MTPAP: variants seen among roughly 807,000 people sequenced by gnomAD.
MTPAP encodes mitochondrial poly(A) polymerase.
A neutral mutation model predicts 48.7 loss-of-function variants in MTPAP; 23 were observed. That is an observed-to-expected ratio of 0.47 (90% CI 0.34 to 0.67). The LOEUF (loss-of-function observed/expected upper bound fraction) is 0.67. Among genes scored for constraint, MTPAP ranks in the 30% least tolerant of loss-of-function variants. MTPAP has a pLI of 0.01. For synonymous variants in MTPAP, 257 were observed against 254.1 expected (o/e 1.01, Z -0.11); for missense variants, 614 against 694.3 (o/e 0.88, Z 1.30).
At chr10:30,333,146 A>T (rs905512916) in intron 4 of MTPAP, among the ~76,000 whole-genome samples, 2 of 151,900 alleles carry the variant, frequency 1.3e-5, no homozygotes, top group Non-Finnish European at 2.9e-5. Context: ...AATTAATTAA[A>T]AATAAATTTA....
chr10:30,348,847 G>T (rs1834900498), intron 1 of MTPAP: 2 of 509,448 alleles, frequency 3.9e-6, no homozygotes, highest in Non-Finnish European at 7.1e-6. Flanking sequence ...AAGCAAACTG[G>T]GTTCCTGACC....
intron 1 of MTPAP, 55 bp from the exon 2 acceptor site, chr10:30,341,695 A>G: frequency 6.3e-7 from 1 of 1,593,152 alleles, no homozygotes; most frequent in Non-Finnish European, 8.6e-7. Flanking sequence ...AATTTTAAAA[A>G]TATTTTGATA....
chr10:30,344,268 A>T (rs1458257806), intron 1 of MTPAP, among the ~76,000 whole-genome samples: 1 of 151,982 alleles, frequency 6.6e-6, no homozygotes, highest in Admixed American at 6.6e-5. Context: ...GCTATGAACT[A>T]TCTATGTCTT....
intron 3 of MTPAP, among the ~76,000 whole-genome samples, chr10:30,338,932 G>A (rs1484335439): frequency 6.6e-6 from 1 of 151,714 alleles, no homozygotes; most frequent in Non-Finnish European, 1.5e-5. Flanking sequence ...GACCATCCTG[G>A]CTAACTCAGT....
At chr10:30,324,712 G>A (rs1834560813) in intron 5 of MTPAP, among the ~76,000 whole-genome samples, 1 of 152,062 alleles carries the variant, frequency 6.6e-6, no homozygotes, top group African/African-American at 2.4e-5. Context: ...AAAAAGAATA[G>A]AAGAAACAAG....
chr10:30,340,504 A>C, intron 2 of MTPAP, 54 bp from the exon 3 acceptor site: 1 of 1,252,178 alleles, frequency 8.0e-7, no homozygotes, highest in South Asian at 1.2e-5. Flanking sequence ...TATCTAACAT[A>C]CTATTTTAGC....
chr10:30,329,049 G>A (rs1834632159), intron 4 of MTPAP, among the ~76,000 whole-genome samples: 1 of 151,882 alleles, frequency 6.6e-6, no homozygotes, highest in African/African-American at 2.4e-5. Flanking sequence ...TTTGAGACCA[G>A]CCTGGCCAAC....
At chr10:30,337,063 A>G in intron 3 of MTPAP, 36 bp from the exon 4 acceptor site, 1 of 1,532,572 alleles carries the variant, frequency 6.5e-7, no homozygotes, top group Non-Finnish European at 9.0e-7. Context: ...AAATAGAGAA[A>G]AAGTACAGGT....
At chr10:30,316,073 C>T in intron 7 of MTPAP, 37 bp from the exon 8 acceptor site, 2 of 1,609,148 alleles carry the variant, frequency 1.2e-6, no homozygotes, top group Non-Finnish European at 1.7e-6. Context: ...CAGAGGAAAG[C>T]CTGTTTCAAT....
Position 30,341,981 on chromosome 10 carries a change from G to A in MTPAP, c.158-341C>T, listed in dbSNP as rs561798816. On this transcript the variant is annotated intron_variant, in intron 1 of 8. Transcript: ENST00000263063. The stretch of plus-strand genomic sequence containing the variant: ...GGGCCGGGCTTGGTGGCTCATGCCT[G>A]TAATACCAGAACTTTGGGAGGCTGA... 2.1e-3 allele frequency among the ~76,000 whole-genome samples: 324 copies of A among 152,332 alleles called. 1 individual carries two copies. Among genetic ancestry groups the A allele is most frequent in the African/African-American group, 7.4e-3 (306 of 41,574 alleles).
At chr10:30,342,768 G>A (rs760286165) in intron 1 of MTPAP, among the ~76,000 whole-genome samples, 6 of 152,072 alleles carry the variant, frequency 3.9e-5, no homozygotes, top group Non-Finnish European at 5.9e-5. Flanking sequence ...TTAACAGTGA[G>A]TTACCAACTA....
At chr10:30,320,611 G>A (rs2132848673) in intron 6 of MTPAP, among the ~76,000 whole-genome samples, 1 of 152,180 alleles carries the variant, frequency 6.6e-6, no homozygotes, top group South Asian at 2.1e-4. Flanking sequence ...CTGCAAAAGA[G>A]GGTAATACTA....
chr10:30,339,533 T>C (rs564897104), intron 3 of MTPAP, among the ~76,000 whole-genome samples: 2 of 149,660 alleles, frequency 1.3e-5, no homozygotes, highest in East Asian at 2.0e-4. Context: ...CATTTTAAAA[T>C]TGACAGAAAA....
In MTPAP at chr10:30,336,453, T is replaced by C. The variant is rs73236432; in HGVS notation, c.780+350A>G. 7.1e-3 allele frequency among the ~76,000 whole-genome samples: 1,087 copies of C among 152,246 alleles called. 11 individuals carry two copies. Among genetic ancestry groups the C allele is most frequent in the African/African-American group, 0.025 (1,023 of 41,560 alleles). On this transcript the variant is annotated intron_variant, in intron 4 of 8. Transcript: ENST00000263063. ...TAACAAAACCAAGAATCATGAGATG[T>C]AAAAACATCTCAGTAACTAGATCAC...
intron 3 of MTPAP, 40 bp from the exon 4 acceptor site, chr10:30,337,067 T>C (rs775829759): frequency 6.6e-7 from 1 of 1,516,562 alleles, no homozygotes; most frequent in South Asian, 1.1e-5. Context: ...AGAGAAAAAG[T>C]ACAGGTCGCA....
intron 4 of MTPAP, among the ~76,000 whole-genome samples, chr10:30,331,676 C>T (rs991999588): frequency 3.3e-5 from 5 of 152,200 alleles, no homozygotes; most frequent in Non-Finnish European, 7.3e-5. Context: ...AAGCGATTCT[C>T]CTGCCTCAGC....
At chr10:30,330,951 C>T (rs1046219651) in intron 4 of MTPAP, among the ~76,000 whole-genome samples, 2 of 152,124 alleles carry the variant, frequency 1.3e-5, no homozygotes, top group Non-Finnish European at 2.9e-5. Flanking sequence ...ACCTCAGCAA[C>T]AGATAAATAG....
chr10:30,315,691 G>A (rs1840653611), intron 8 of MTPAP, among the ~76,000 whole-genome samples: 1 of 152,164 alleles, frequency 6.6e-6, no homozygotes, highest in Non-Finnish European at 1.5e-5. Flanking sequence ...TCCACATCAT[G>A]AGGGATACAG....
intron 4 of MTPAP, among the ~76,000 whole-genome samples, chr10:30,336,481 G>A (rs1588719148): frequency 6.6e-6 from 1 of 152,096 alleles, no homozygotes; most frequent in African/African-American, 2.4e-5. Context: ...TAGATCACAA[G>A]ATTAAAAAGA....
Sources: allele counts gnomAD v4.1 joint callset (sites outside exome capture counted in the v4.1 genomes callset), GRCh38; gene constraint gnomAD v4.1.1; transcripts MANE v1.5; gene names NCBI Gene and HGNC (gene_info 2026-07-23, HGNC 2026-07-21).